TOM1: variants seen among roughly 807,000 people sequenced by gnomAD.
TOM1 encodes the protein target of myb1 membrane trafficking protein.
Under a neutral mutation model 61.3 loss-of-function variants are expected in TOM1, and 38 were observed. The ratio of observed to expected loss-of-function variants is 0.62; its 90% confidence interval spans 0.48 to 0.81. The LOEUF is 0.81. TOM1 is among the 40% of genes least tolerant of loss of function. TOM1 has a pLI of 0.00. For missense variants in TOM1, 591 were observed against 659.6 expected (o/e 0.90, Z 1.14); for synonymous variants, 270 against 268.8 (o/e 1.00, Z -0.04).
rs1925575338 is a variant in TOM1 at position 35,299,995 on chromosome 22, C to T, written c.52+15C>T. Reference sequence around the variant, plus strand: ...ACAGCGCATCGGTGAGTCCCTGGAGCCCCCCACAGCTCCGCCCCGGTGCTC... The same window carrying T: ...ACAGCGCATCGGTGAGTCCCTGGAGTCCCCCACAGCTCCGCCCCGGTGCTC... On this transcript the variant is annotated intron_variant, in intron 1 of 14. Transcript: ENST00000449058. 1.3e-6 allele frequency: 2 copies of T among 1,562,692 alleles called. No homozygotes were observed. Among genetic ancestry groups the T allele is most frequent in the East Asian group, 4.8e-5 (2 of 41,972 alleles).
At chr22:35,334,566 C>G in intron 11 of TOM1, 118 bp downstream of exon 11, 1 of 1,264,144 alleles carries the variant, frequency 7.9e-7, no homozygotes, top group Non-Finnish European at 1.1e-6. Context: ...TTAGTAAGCA[C>G]GCCCTTAGTA....
chr22:35,341,773 C>T (rs1929900678), intron 12 of TOM1, among the ~76,000 whole-genome samples: 1 of 152,210 alleles, frequency 6.6e-6, no homozygotes. Context: ...CACCACACAA[C>T]TCCACTGGCA....
intron 12 of TOM1, among the ~76,000 whole-genome samples, chr22:35,342,852 A>C (rs1160896277): frequency 3.0e-5 from 4 of 135,008 alleles, no homozygotes; most frequent in African/African-American, 8.7e-5. Flanking sequence ...CCACACCTAC[A>C]CACTCATGCA....
chr22:35,328,610 G>A (rs1025435580), intron 7 of TOM1, among the ~76,000 whole-genome samples: 6 of 152,222 alleles, frequency 3.9e-5, no homozygotes, highest in Non-Finnish European at 5.9e-5. Context: ...CAAAGCCACC[G>A]TGTGCTTGGT....
intron 11 of TOM1, among the ~76,000 whole-genome samples, chr22:35,337,729 G>T (rs76516635): frequency 6.6e-6 from 1 of 152,198 alleles, no homozygotes; most frequent in African/African-American, 2.4e-5. Flanking sequence ...CTTCACTAGC[G>T]TGTCAGGTGG....
chr22:35,301,084 G>A (rs1405719619), intron 1 of TOM1, among the ~76,000 whole-genome samples: 1 of 151,252 alleles, frequency 6.6e-6, no homozygotes, highest in Admixed American at 6.6e-5. Flanking sequence ...GAAATTAGCC[G>A]GGCGTGGTGG....
chr22:35,333,585 C>T, intron 10 of TOM1, 88 bp downstream of exon 10: 1 of 1,170,178 alleles, frequency 8.5e-7, no homozygotes, highest in African/African-American at 1.5e-5. Context: ...TTGTTATATA[C>T]CCACAGCAGA....
At chr22:35,317,593 A>C (rs1200297827) in intron 1 of TOM1, among the ~76,000 whole-genome samples, 2 of 152,216 alleles carry the variant, frequency 1.3e-5, no homozygotes, top group Admixed American at 6.5e-5. Flanking sequence ...AGGCCCACCT[A>C]GATTCCCCTC....
intron 6 of TOM1, among the ~76,000 whole-genome samples, chr22:35,325,595 G>A: frequency 6.6e-6 from 1 of 152,162 alleles, no homozygotes; most frequent in East Asian, 1.9e-4. Flanking sequence ...CAGCCTCAAA[G>A]AGCATGTTTA....
intron 12 of TOM1, among the ~76,000 whole-genome samples, chr22:35,341,056 CCAGT>C (rs1265042365): frequency 2.0e-5 from 3 of 152,252 alleles, no homozygotes; most frequent in Admixed American, 6.5e-5. Context: ...ACCGCACACA[CCAGT>C]CAGAGACTCC....
chr22:35,314,717 T>G (rs1412904363), intron 1 of TOM1, among the ~76,000 whole-genome samples: 2 of 151,892 alleles, frequency 1.3e-5, no homozygotes, highest in Non-Finnish European at 2.9e-5. Context: ...ACTCCCTGTG[T>G]GGTCAGGAAG....
In TOM1 at chr22:35,323,938, C is replaced by CCCT. The variant is rs1320992257; in HGVS notation, c.648+24_648+25insCCT. ...AGGTAAACGAGCCTGGGGTCAGAACCGTCAGGTCCAGGCAGGTGGGCCACA... is the reference window on the plus strand; with the variant it reads ...AGGTAAACGAGCCTGGGGTCAGAACCCCTGTCAGGTCCAGGCAGGTGGGCCACA... On this transcript the variant is annotated intron_variant, in intron 6 of 14. Coordinates refer to ENST00000449058, the MANE Select transcript of TOM1 (RefSeq NM_005488.3). The surrounding 1 kb of genome is among the most constrained non-coding windows in gnomAD (Gnocchi z 4.2). 2 of 1,530,368 alleles carry CCCT rather than the reference C, an allele frequency of 1.3e-6. No individual in the cohort carries two copies. The highest frequency in any genetic ancestry group is 1.8e-6 in the Non-Finnish European group (2 of 1,136,508). 94.8% of individuals were successfully genotyped at this position (1,530,368 alleles called of 1,614,324 possible).
At chr22:35,304,623 C>T (rs1926157024) in intron 1 of TOM1, among the ~76,000 whole-genome samples, 1 of 152,118 alleles carries the variant, frequency 6.6e-6, no homozygotes, top group Non-Finnish European at 1.5e-5. Flanking sequence ...GGACTACAGG[C>T]ACCCGCCACC....
chr22:35,333,016 T>A lies in TOM1; in HGVS notation c.933+2T>A. On this transcript the variant is annotated splice_donor_variant, in intron 9 of 14. Transcript: ENST00000449058. LOFTEE classifies it high-confidence loss of function. ...TTCCGAACAGGCCAGACCACCAAGG[T>A]AAAAGTCTTCTTTTCTGTGACTAGA... 1 of 1,614,176 alleles carries A rather than the reference T, an allele frequency of 6.2e-7. No individual in the cohort carries two copies. The highest frequency in any genetic ancestry group is 8.5e-7 in the Non-Finnish European group (1 of 1,180,006).
At chr22:35,301,257 C>A (rs141869389) in intron 1 of TOM1, among the ~76,000 whole-genome samples, 1 of 152,142 alleles carries the variant, frequency 6.6e-6, no homozygotes, top group African/African-American at 2.4e-5. Context: ...CACACACACA[C>A]GCACACATAT....
At chr22:35,343,927 T>G (rs1328915184) in intron 12 of TOM1, among the ~76,000 whole-genome samples, 1 of 138,254 alleles carries the variant, frequency 7.2e-6, no homozygotes, top group East Asian at 2.2e-4. Context: ...ACCACACACA[T>G]CTACACACAC....
intron 1 of TOM1, among the ~76,000 whole-genome samples, chr22:35,316,624 C>A (rs1240488827): frequency 6.6e-6 from 1 of 152,206 alleles, no homozygotes; most frequent in Non-Finnish European, 1.5e-5. Flanking sequence ...CTGCAGCCGA[C>A]TCCCGGCCTG....
chr22:35,302,620 C>T lies in TOM1; in HGVS notation c.52+2640C>T, dbSNP rs139364161. Among the ~76,000 whole-genome samples the T allele has an allele frequency of 5.0e-3, 761 of 152,250 alleles. 9 individuals are homozygous for T. Among genetic ancestry groups the T allele is most frequent in the African/African-American group, 0.018 (733 of 41,530 alleles). ...GTACTGGGATTACAGGCATGACCAC[C>T]GTGTCCGGCCTAGAATGTGAATTTC... On this transcript the variant is annotated intron_variant, in intron 1 of 14. Transcript: ENST00000449058.
At chr22:35,300,232 C>G (rs1925618370) in intron 1 of TOM1, among the ~76,000 whole-genome samples, 1 of 152,264 alleles carries the variant, frequency 6.6e-6, no homozygotes, top group Non-Finnish European at 1.5e-5. Flanking sequence ...TCCGGATGCC[C>G]ACGGCGCAGC....
Sources: allele counts gnomAD v4.1 joint callset (sites outside exome capture counted in the v4.1 genomes callset), GRCh38; gene constraint gnomAD v4.1.1; non-coding constraint Gnocchi (gnomAD v3.1); transcripts MANE v1.5; gene names NCBI Gene and HGNC (gene_info 2026-07-23, HGNC 2026-07-21).